The following SORCS1 variants were observed in gnomAD, a reference collection of about 807,000 sequenced individuals.
SORCS1 encodes sortilin related VPS10 domain containing receptor 1.
In SORCS1, 60 loss-of-function variants were observed where a neutral mutation model predicts 146.1. The observed-to-expected ratio is 0.41, with a 90% CI of 0.33 to 0.51. SORCS1 has a LOEUF of 0.51. Among genes scored for constraint, SORCS1 ranks in the 20% least tolerant of loss-of-function variants. The pLI, the probability that SORCS1 is intolerant of heterozygous loss-of-function variation, is 0.21. For synonymous variants in SORCS1, 637 were observed against 584.0 expected (o/e 1.09, Z -1.31); for missense variants, 1,352 against 1,487.6 (o/e 0.91, Z 1.50).
chr10:106,825,269 CTTTTTTTTTTT>C (rs35830829), intron 3 of SORCS1, among the ~76,000 whole-genome samples: 2 of 119,190 alleles, frequency 1.7e-5, no homozygotes, highest in Non-Finnish European at 3.4e-5. Flanking sequence ...GAGATTTCAA[CTTTTTTTTTTT>C]TTTTTTTTTG....
intron 6 of SORCS1, among the ~76,000 whole-genome samples, chr10:106,719,418 CTTT>C (rs11299932): frequency 7.5e-4 from 102 of 135,844 alleles, no homozygotes; most frequent in Non-Finnish European, 8.2e-4. Context: ...TTCTTTCTTT[CTTT>C]TTTTTTTTTT....
At position 106,620,764 on chromosome 10, in the gene SORCS1, C is replaced by A. The variant is rs77398335; in HGVS notation, c.2663-203G>T. Among the ~76,000 whole-genome samples, 267 of 152,256 alleles carry A rather than the reference C, an allele frequency of 1.8e-3. 4 individuals are homozygous for A. Among genetic ancestry groups the A allele is most frequent in the African/African-American group, 6.2e-3 (259 of 41,538 alleles). ...TTGCATCTTGACATTTTGCACTTACCAATCTTTCTACCAGTTCTAACACCT... is the reference window on the plus strand; with the variant it reads ...TTGCATCTTGACATTTTGCACTTACAAATCTTTCTACCAGTTCTAACACCT... On this transcript the variant is annotated intron_variant, in intron 19 of 25. Coordinates refer to ENST00000263054, the MANE Select transcript of SORCS1 (RefSeq NM_052918.5).
intron 1 of SORCS1, among the ~76,000 whole-genome samples, chr10:107,112,957 G>GAAAATTAAT (rs1243105825): frequency 3.3e-5 from 5 of 152,282 alleles, no homozygotes; most frequent in Non-Finnish European, 7.4e-5. Context: ...CATCCAGAGA[G>GAAAATTAAT]AAAATTAATA....
At chr10:107,095,316 G>A (rs984475372) in intron 1 of SORCS1, among the ~76,000 whole-genome samples, 1 of 152,144 alleles carries the variant, frequency 6.6e-6, no homozygotes, top group Non-Finnish European at 1.5e-5. Context: ...GAGTCAATAT[G>A]AAAGGCCAAG....
intron 1 of SORCS1, among the ~76,000 whole-genome samples, chr10:107,125,208 C>A (rs1966647197): frequency 6.6e-6 from 1 of 152,042 alleles, no homozygotes; most frequent in South Asian, 2.1e-4. Context: ...GCCTTGGCCT[C>A]AAAAAGTGCT....
Position 106,679,532 on chromosome 10 carries a change from C to A in SORCS1, c.1663+100G>T, listed in dbSNP as rs933222955. 2.9e-5 allele frequency: 33 copies of A among 1,133,338 alleles called. 1 individual carries two copies. In the South Asian group the frequency reaches 4.3e-4, roughly 15 times the overall value. 70.2% of individuals were successfully genotyped at this position (1,133,338 alleles called of 1,614,324 possible). ...TAGCTTGCTCATTAAGTTCCAAGTA[C>A]AGATATCTAGCTTCTTAAAATAAAC... On this transcript the variant is annotated intron_variant, in intron 11 of 25. Transcript: ENST00000263054.
chr10:106,975,487 T>C (rs934963600), intron 1 of SORCS1, among the ~76,000 whole-genome samples: 2 of 152,130 alleles, frequency 1.3e-5, no homozygotes, highest in Admixed American at 6.5e-5. Context: ...TGGGAAGAAA[T>C]GAATCAAGGA....
At chr10:106,769,810 T>C (rs897487281) in intron 4 of SORCS1, among the ~76,000 whole-genome samples, 1 of 152,126 alleles carries the variant, frequency 6.6e-6, no homozygotes, top group South Asian at 2.1e-4. Flanking sequence ...TATTTAGAGT[T>C]TCCAGCCAGG....
intron 1 of SORCS1, among the ~76,000 whole-genome samples, chr10:107,058,361 CA>C (rs1490209913): frequency 6.6e-6 from 1 of 152,152 alleles, no homozygotes; most frequent in Non-Finnish European, 1.5e-5. Context: ...TTTTATTCAA[CA>C]TGACAGAGAA....
intron 1 of SORCS1, among the ~76,000 whole-genome samples, chr10:107,067,263 T>C (rs557733235): frequency 1.3e-5 from 2 of 151,898 alleles, no homozygotes; most frequent in Admixed American, 1.3e-4. Context: ...ATCCAAACCT[T>C]AGGAAAAAGA....
At chr10:106,684,551 G>C (rs2135594211) in intron 10 of SORCS1, among the ~76,000 whole-genome samples, 1 of 152,208 alleles carries the variant, frequency 6.6e-6, no homozygotes, top group Middle Eastern at 3.4e-3. Flanking sequence ...AGTCTTCAGA[G>C]GAAAGAAATC....
chr10:107,009,508 A>C (rs1179210853), intron 1 of SORCS1, among the ~76,000 whole-genome samples: 1 of 152,250 alleles, frequency 6.6e-6, no homozygotes, highest in Non-Finnish European at 1.5e-5. Context: ...AAAATAGAAT[A>C]TAGTTTTTAG....
rs1856092599 is a variant in SORCS1 at position 106,725,577 on chromosome 10, A to AATAAATAAATAC, written c.1024+4472_1024+4473insGTATTTATTTAT. Among the ~76,000 whole-genome samples the AATAAATAAATAC allele has an allele frequency of 2.0e-5, 3 of 151,590 alleles. No homozygotes were observed. The South Asian group carries it at 6.3e-4, about 32-fold the overall frequency. The stretch of plus-strand genomic sequence containing the variant: ...ATACACAAAAATAAATAAATAAATA[A>AATAAATAAATAC]ATAAATAAATAATAACAGTAATGAA... On this transcript the variant is annotated intron_variant, in intron 6 of 25. Transcript: ENST00000263054.
chr10:106,671,217 A>G lies in SORCS1; in HGVS notation c.2189+20T>C, dbSNP rs1431164562. 1 of 1,613,986 alleles carries G rather than the reference A, an allele frequency of 6.2e-7. No individual in the cohort carries two copies. Among genetic ancestry groups the G allele is most frequent in the Admixed American group, 1.7e-5 (1 of 60,022 alleles). Reference sequence around the variant, plus strand: ...ATTTGATACACCAAATGGCTCCAGGAGATAATTGCACAAGCTCACCAATCA... The same window carrying G: ...ATTTGATACACCAAATGGCTCCAGGGGATAATTGCACAAGCTCACCAATCA... On this transcript the variant is annotated intron_variant, in intron 16 of 25. Transcript: ENST00000263054.
chr10:106,583,897 A>G (rs1001601113), intron 24 of SORCS1, among the ~76,000 whole-genome samples: 2 of 152,150 alleles, frequency 1.3e-5, no homozygotes, highest in African/African-American at 4.8e-5. Flanking sequence ...AGCCATGCAG[A>G]ACAATCTTAT....
chr10:106,929,439 A>G (rs534867131), intron 2 of SORCS1, among the ~76,000 whole-genome samples: 2 of 152,270 alleles, frequency 1.3e-5, no homozygotes, highest in East Asian at 3.9e-4. Flanking sequence ...ATCTACAGAG[A>G]TGTGGCTTAT....
Position 107,019,727 on chromosome 10 carries a change from A to G in SORCS1, c.559-63147T>C, listed in dbSNP as rs1716155671. On this transcript the variant is annotated intron_variant, in intron 1 of 25. Transcript: ENST00000263054. ...AAAGGCATGCTCAGATGGGCTGTAC[A>G]TTTATTTCCAACAGCAGGTATCTGT... Among the ~76,000 whole-genome samples, 3 of 152,250 alleles carry G rather than the reference A, an allele frequency of 2.0e-5. No individual in the cohort carries two copies. In the South Asian group the frequency reaches 6.2e-4, roughly 31 times the overall value.
chr10:106,736,080 C>T (rs2136061011), intron 5 of SORCS1, among the ~76,000 whole-genome samples: 1 of 152,280 alleles, frequency 6.6e-6, no homozygotes, highest in Middle Eastern at 3.4e-3. Flanking sequence ...ATACCAGTGA[C>T]ATAGCAGCGC....
intron 16 of SORCS1, 33 bp from the exon 17 acceptor site, chr10:106,667,835 T>C: frequency 6.4e-7 from 1 of 1,552,124 alleles, no homozygotes; most frequent in Non-Finnish European, 8.9e-7. Flanking sequence ...AACCTTTCAC[T>C]AGGTGGCAAA....
Sources: gnomAD v4.1 joint callset for allele counts (sites outside exome capture counted in the v4.1 genomes callset) on GRCh38, gnomAD v4.1.1 for gene constraint, MANE v1.5 for transcripts, NCBI Gene and HGNC (gene_info 2026-07-23, HGNC 2026-07-21) for gene names.